The following GNPAT variants were observed in gnomAD, a reference collection of about 807,000 sequenced individuals.
GNPAT encodes dihydroxyacetone phosphate acyltransferase.
A neutral mutation model predicts 78.4 loss-of-function variants in GNPAT; 30 were observed. The ratio of observed to expected loss-of-function variants is 0.38; its 90% CI spans 0.29 to 0.52. GNPAT has a LOEUF of 0.52. Ranked by LOEUF, GNPAT falls within the 20% of genes least tolerant of loss-of-function variation. GNPAT has a pLI of 0.84. For missense variants in GNPAT, 714 were observed against 812.2 expected, an observed-to-expected ratio of 0.88 and a Z score of 1.47; for synonymous variants, 271 against 281.1, an observed-to-expected ratio of 0.96 and a Z score of 0.36.
rs776250018 is a variant in GNPAT at position 231,266,102 on chromosome 1, C to T, written c.861C>T (p.Ile287=). The stretch of plus-strand genomic sequence containing the variant: ...CAATTAGTATCAGTTATGATAAGAT[C>T]TTGGAAGAAACTCTTTATGTGTATG... ...LVPISISYDK[I]LEETLYVYEL... Residue 287 remains isoleucine, a synonymous_variant, in exon 7 of 16, where the codon ATC becomes ATT. Coordinates refer to ENST00000366647, the MANE Select transcript of GNPAT (RefSeq NM_014236.4). 1 of 1,611,874 alleles carries T rather than the reference C, an allele frequency of 6.2e-7. No individual in the cohort carries two copies. The highest frequency in any genetic ancestry group is 8.5e-7 in the Non-Finnish European group (1 of 1,178,070).
intron 2 of GNPAT, among the ~76,000 whole-genome samples, chr1:231,260,006 ATTCT>A (rs1283107081): frequency 6.6e-6 from 1 of 152,210 alleles, no homozygotes; most frequent in East Asian, 1.9e-4. Context: ...CCGTTGTGAG[ATTCT>A]TTATTTCACT....
chr1:231,245,457 A>G (rs1182424421), intron 1 of GNPAT, among the ~76,000 whole-genome samples: 3 of 151,982 alleles, frequency 2.0e-5, no homozygotes, highest in Non-Finnish European at 2.9e-5. Flanking sequence ...TATGTTGCCA[A>G]CCTGGTCTCA....
chr1:231,263,027 A>G (rs1332952084), intron 4 of GNPAT, among the ~76,000 whole-genome samples, 175 bp downstream of exon 4: 1 of 152,188 alleles, frequency 6.6e-6, no homozygotes, highest in Non-Finnish European at 1.5e-5. Context: ...CTGTGCCTGA[A>G]CAGACATCTG....
chr1:231,262,213 A>AT lies in GNPAT; in HGVS notation c.439-502dup, dbSNP rs1158153400. On this transcript the variant is annotated intron_variant, in intron 3 of 15. Transcript: ENST00000366647. ...CTCACCTTGTCCTATGAATTTGTAG[A>AT]TTTTTTTTAATCTCTCCAAGAGAAG... Among the ~76,000 whole-genome samples, 9 of 152,074 alleles carry AT rather than the reference A, an allele frequency of 5.9e-5. No homozygotes were observed. In the South Asian group the frequency reaches 1.0e-3, roughly 18 times the overall value.
intron 2 of GNPAT, among the ~76,000 whole-genome samples, chr1:231,252,165 G>C (rs1684917049): frequency 6.6e-6 from 1 of 152,186 alleles, no homozygotes; most frequent in South Asian, 2.1e-4. Context: ...TGATGCTCTT[G>C]GAATAATCCC....
chr1:231,260,715 T>C (rs774666936), intron 3 of GNPAT, 32 bp downstream of exon 3: 31 of 1,355,234 alleles, frequency 2.3e-5, no homozygotes, highest in Non-Finnish European at 3.1e-5. Context: ...AATAAAGAAA[T>C]AAAAGTCTCA....
chr1:231,250,832 A>G, intron 1 of GNPAT, 129 bp from the exon 2 acceptor site: 2 of 663,848 alleles, frequency 3.0e-6, no homozygotes, highest in Non-Finnish European at 2.8e-6. Context: ...ATCTAACATC[A>G]GAACACTCTG....
intron 9 of GNPAT, 72 bp downstream of exon 9, chr1:231,267,975 TC>T: frequency 1.1e-6 from 1 of 952,004 alleles, no homozygotes; most frequent in South Asian, 1.3e-5. Context: ...ACCTGAAAAA[TC>T]TATAGAGGAC....
chr1:231,262,761 G>A lies in GNPAT; in HGVS notation c.477G>A (p.Leu159=), dbSNP rs1210805595. ...RAIQEHPVVL[L]PSHRSYIDFL... is the part of the protein sequence containing the mutation. The stretch of plus-strand genomic sequence containing the variant: ...TCCAGGAGCATCCTGTTGTTCTGCT[G>A]CCTAGTCATCGAAGTTACATTGACT... The change falls in exon 4 of 16, where the codon CTG becomes CTA. Residue 159 remains leucine (L), a synonymous_variant. Transcript: ENST00000366647. 6.2e-7 allele frequency: 1 copy of A among 1,607,822 alleles called. No individual in the cohort carries two copies. Among genetic ancestry groups the A allele is most frequent in the African/African-American group, 1.3e-5 (1 of 74,796 alleles).
intron 1 of GNPAT, among the ~76,000 whole-genome samples, chr1:231,246,424 A>G (rs1684750692): frequency 6.6e-6 from 1 of 152,214 alleles, no homozygotes; most frequent in Admixed American, 6.5e-5. Flanking sequence ...ACAGCCTGTA[A>G]AACAGTGCCT....
chr1:231,264,259 T>G (rs1685310433), intron 4 of GNPAT, among the ~76,000 whole-genome samples: 1 of 152,220 alleles, frequency 6.6e-6, no homozygotes, highest in African/African-American at 2.4e-5. Context: ...GTTTTTTGAG[T>G]TAATTTTTGT....
chr1:231,241,683 T>C (rs981626665), intron 1 of GNPAT, among the ~76,000 whole-genome samples: 28 of 152,250 alleles, frequency 1.8e-4, no homozygotes, highest in African/African-American at 6.8e-4. Flanking sequence ...CTTTGGTTCC[T>C]TTCCACTTTT....
At position 231,265,333 on chromosome 1, in the gene GNPAT, G is replaced by A. The variant is rs548937098; in HGVS notation, c.609G>A (p.Met203Ile). 49 of 1,611,860 alleles carry A rather than the reference G, an allele frequency of 3.0e-5. No homozygotes were observed. The highest frequency in any genetic ancestry group is 4.0e-5 in the Non-Finnish European group (47 of 1,177,932). Reference protein sequence around the residue: ...GMKMVGELLRMSGAFFMRRTF... With the variant: ...GMKMVGELLRISGAFFMRRTF... ...AAATGGTTGGTGAGCTGCTACGAAT[G>A]TCGGGTGCCTTTTTCATGCGGCGTA... Residue 203 changes from methionine to isoleucine, a missense_variant, in exon 5 of 16, where the codon ATG (methionine) becomes ATA (isoleucine). Met to Ile is a conservative substitution (Grantham distance 10). Coordinates refer to ENST00000366647, the MANE Select transcript of GNPAT (RefSeq NM_014236.4).
At chr1:231,249,981 T>C (rs964830393) in intron 1 of GNPAT, among the ~76,000 whole-genome samples, 7 of 151,926 alleles carry the variant, frequency 4.6e-5, no homozygotes, top group Non-Finnish European at 8.8e-5. Flanking sequence ...GCACAATAGC[T>C]CACACCTGTA....
intron 12 of GNPAT, 170 bp from the exon 13 acceptor site, chr1:231,275,051 C>T (rs991794452): frequency 3.3e-6 from 2 of 603,106 alleles, no homozygotes; most frequent in African/African-American, 1.9e-5. Flanking sequence ...AAAGGAGATG[C>T]CCTAAAAATT....
Position 231,268,196 on chromosome 1 carries a change from G to C in GNPAT, c.1279+293G>C, listed in dbSNP as rs1166346175. On this transcript the variant is annotated intron_variant, in intron 9 of 15. Coordinates refer to ENST00000366647, the MANE Select transcript of GNPAT (RefSeq NM_014236.4). Reference sequence around the variant, plus strand: ...TAGGCGCCTGTAGTCCCAGCTACTCGGGAGGCTGAGGCAGGAGAATGGCAT... The same window carrying C: ...TAGGCGCCTGTAGTCCCAGCTACTCCGGAGGCTGAGGCAGGAGAATGGCAT... Among the ~76,000 whole-genome samples the C allele has an allele frequency of 2.6e-5, 4 of 152,232 alleles. 1 individual carries two copies. The Middle Eastern group carries it at 0.01, about 388-fold the overall frequency.
chr1:231,254,700 G>A (rs1684997410), intron 2 of GNPAT, among the ~76,000 whole-genome samples: 2 of 150,888 alleles, frequency 1.3e-5, no homozygotes, highest in Admixed American at 6.6e-5. Flanking sequence ...CACCCGCCTT[G>A]GCCTCCCAAA....
At chr1:231,277,418 G>A (rs1398196354) in intron 15 of GNPAT, 81 bp from the exon 16 acceptor site, 1 of 854,712 alleles carries the variant, frequency 1.2e-6, no homozygotes, top group African/African-American at 1.7e-5. Context: ...TTCTCCCCTG[G>A]ACAGTCGCCC....
chr1:231,244,170 A>G (rs1213816847), intron 1 of GNPAT, among the ~76,000 whole-genome samples: 2 of 152,124 alleles, frequency 1.3e-5, no homozygotes, highest in African/African-American at 4.8e-5. Flanking sequence ...TGGCCTTCCA[A>G]AGTACATTTA....
Sources: gnomAD v4.1 joint callset for allele counts (sites outside exome capture counted in the v4.1 genomes callset) on GRCh38, gnomAD v4.1.1 for gene constraint, MANE v1.5 for transcripts, NCBI Gene and HGNC (gene_info 2026-07-23, HGNC 2026-07-21) for gene names.